The following LAMA1 variants were observed in gnomAD, a reference collection of about 807,000 sequenced individuals.
LAMA1 encodes the protein laminin subunit alpha-1.
In LAMA1, 219 loss-of-function variants were observed where a neutral mutation model predicts 348.7. The observed-to-expected ratio is 0.63, with a 90% CI of 0.56 to 0.70. The LOEUF is 0.70. Among genes scored for constraint, LAMA1 ranks in the 30% least tolerant of loss-of-function variants. The pLI, the probability that LAMA1 is intolerant of heterozygous loss-of-function variation, is 0.00. For synonymous variants in LAMA1, 1,487 were observed against 1,491.0 expected, an observed-to-expected ratio of 1.00 and a Z score of 0.06; for missense variants, 3,744 against 3,888.0, an observed-to-expected ratio of 0.96 and a Z score of 0.99.
At chr18:7,086,560 A>G (rs1242541115) in intron 1 of LAMA1, among the ~76,000 whole-genome samples, 1 of 150,284 alleles carries the variant, frequency 6.7e-6, no homozygotes, top group Non-Finnish European at 1.5e-5. Context: ...TACAGAGATC[A>G]TGAATTTACT....
At chr18:6,969,367 G>A (rs2057648140) in intron 48 of LAMA1, among the ~76,000 whole-genome samples, 1 of 152,156 alleles carries the variant, frequency 6.6e-6, no homozygotes, top group East Asian at 1.9e-4. Context: ...AAGCTCAAGT[G>A]AGTTTGGGAA....
rs1432682156 is a variant in LAMA1 at position 6,958,590 on chromosome 18, C to T, written c.7851G>A (p.Thr2617=). 5.0e-6 allele frequency: 8 copies of T among 1,614,088 alleles called. No individual in the cohort carries two copies. The highest frequency in any genetic ancestry group is 4.0e-5 in the African/African-American group (3 of 75,058). The stretch of plus-strand genomic sequence containing the variant: ...CGACGTACAGATTGGACACATTTAT[C>T]GTCCTGCTTTCTACTAATGTGCCCA... The part of the protein sequence containing the change: ...MKLGTLVESR[T]INVSNLYVGG... Residue 2617 remains threonine, a synonymous_variant, in exon 55 of 63, where the codon ACG becomes ACA. Coordinates refer to ENST00000389658, the MANE Select transcript of LAMA1 (RefSeq NM_005559.4).
At chr18:7,052,430 CAA>C (rs1351925258) in intron 3 of LAMA1, among the ~76,000 whole-genome samples, 4 of 138,240 alleles carry the variant, frequency 2.9e-5, no homozygotes, top group Non-Finnish European at 3.2e-5. Context: ...GACTCTGTAT[CAA>C]AAAAAAAAAA....
rs9949943 is a variant in LAMA1 at position 7,043,061 on chromosome 18, A to C, written c.1155+166T>G. On this transcript the variant is annotated intron_variant, in intron 8 of 62. Coordinates refer to ENST00000389658, the MANE Select transcript of LAMA1 (RefSeq NM_005559.4). The stretch of plus-strand genomic sequence containing the variant: ...GACTGACATCTTATTTTGAGCAAGA[A>C]AAGCAGGATAGAGTAGGAAATATAT... 2.7e-3 allele frequency: 1,791 copies of C among 667,246 alleles called. 20 individuals carry two copies. The highest frequency in any genetic ancestry group is 0.025 in the African/African-American group (1,396 of 54,858). 41.3% of individuals were successfully genotyped at this position (667,246 alleles called of 1,614,324 possible). A position where few individuals can be genotyped will look rare whatever the true frequency, so the allele number is the denominator to read the frequency against.
intron 19 of LAMA1, 74 bp from the exon 20 acceptor site, chr18:7,017,458 A>AG: frequency 1.0e-6 from 1 of 983,260 alleles, no homozygotes; most frequent in Admixed American, 2.0e-5. Context: ...TCATCCCCAA[A>AG]GGAAAAAAAA....
chr18:6,959,244 T>A (rs1027720141), intron 54 of LAMA1, 97 bp downstream of exon 54: 1 of 1,527,488 alleles, frequency 6.5e-7, no homozygotes, highest in Admixed American at 1.7e-5. Context: ...ATGACCCCAG[T>A]CATCTAGCCG....
intron 30 of LAMA1, among the ~76,000 whole-genome samples, chr18:7,001,419 A>T (rs1046669725): frequency 2.0e-5 from 3 of 152,176 alleles, no homozygotes; most frequent in African/African-American, 4.8e-5. Flanking sequence ...GGAATTGACA[A>T]GTCAAAATTT....
At chr18:7,066,460 C>A (rs1398415398) in intron 3 of LAMA1, among the ~76,000 whole-genome samples, 1 of 152,134 alleles carries the variant, frequency 6.6e-6, no homozygotes, top group Non-Finnish European at 1.5e-5. Context: ...TAGAATATGA[C>A]TTGAAAAGTC....
chr18:7,096,795 A>G (rs1374646934), intron 1 of LAMA1, among the ~76,000 whole-genome samples: 1 of 152,232 alleles, frequency 6.6e-6, no homozygotes, highest in East Asian at 1.9e-4. Context: ...AAAGTTTTCA[A>G]AAGCAACCAT....
intron 23 of LAMA1, 40 bp from the exon 24 acceptor site, chr18:7,012,178 A>G: frequency 6.2e-7 from 1 of 1,604,380 alleles, no homozygotes; most frequent in African/African-American, 1.3e-5. Flanking sequence ...TTGCCTAAAA[A>G]AGAGATGTGA....
chr18:7,045,269 G>A (rs1000098743), intron 6 of LAMA1, among the ~76,000 whole-genome samples: 1 of 152,066 alleles, frequency 6.6e-6, no homozygotes, highest in African/African-American at 2.4e-5. Flanking sequence ...AAGATGCCAG[G>A]ACCAGCCTGG....
chr18:7,049,945 T>G (rs1197464826), intron 4 of LAMA1, among the ~76,000 whole-genome samples: 1 of 152,226 alleles, frequency 6.6e-6, no homozygotes, highest in Admixed American at 6.5e-5. Context: ...ACGGCATTCA[T>G]CACATTATGG....
At chr18:7,008,083 C>T (rs2057841429) in intron 28 of LAMA1, among the ~76,000 whole-genome samples, 1 of 151,970 alleles carries the variant, frequency 6.6e-6, no homozygotes, top group South Asian at 2.1e-4. Flanking sequence ...CAGGCATGTG[C>T]CATGCATATA....
At chr18:6,950,175 T>C (rs1022980587) in intron 58 of LAMA1, among the ~76,000 whole-genome samples, 4 of 152,078 alleles carry the variant, frequency 2.6e-5, no homozygotes, top group Non-Finnish European at 4.4e-5. Context: ...TGTGATTTCT[T>C]CCCCAATCCA....
At chr18:7,064,672 G>A (rs2058115415) in intron 3 of LAMA1, among the ~76,000 whole-genome samples, 2 of 152,078 alleles carry the variant, frequency 1.3e-5, no homozygotes, top group South Asian at 4.1e-4. Flanking sequence ...ATACAAGACT[G>A]GTATAAAGTT....
intron 16 of LAMA1, among the ~76,000 whole-genome samples, chr18:7,027,812 G>A (rs2144151630): frequency 6.6e-6 from 1 of 152,170 alleles, no homozygotes; most frequent in Middle Eastern, 3.4e-3. Flanking sequence ...GCGTGGTGGT[G>A]TGCACCTGTA....
chr18:6,984,164 T>C (rs1229568592), intron 39 of LAMA1, among the ~76,000 whole-genome samples: 2 of 151,970 alleles, frequency 1.3e-5, no homozygotes, highest in Non-Finnish European at 2.9e-5. Context: ...CCACTACTGA[T>C]CCCTAAGACA....
chr18:7,012,013 C>T lies in LAMA1; in HGVS notation c.3489G>A (p.Glu1163=). 1 of 1,608,608 alleles carries T rather than the reference C, an allele frequency of 6.2e-7. No individual in the cohort carries two copies. Among genetic ancestry groups the T allele is most frequent in the Non-Finnish European group, 8.5e-7 (1 of 1,177,194 alleles). The change falls in exon 24 of 63, where the codon GAG becomes GAA. Residue 1163 remains glutamate (E), a synonymous_variant. Transcript: ENST00000389658. ...GACTTACTGGGGTCCTCACGTAGTC[C>T]TCCAGCTCTGAGCAGAGGTGGGACA... ...SGLSHLCSEL[E]DYVRTPVTLG...
At chr18:7,033,974 A>C (rs550075509) in intron 14 of LAMA1, among the ~76,000 whole-genome samples, 1 of 152,016 alleles carries the variant, frequency 6.6e-6, no homozygotes, top group Non-Finnish European at 1.5e-5. Context: ...GACCTCATGC[A>C]ATCCACCTGC....
Sources: gnomAD v4.1 joint callset for allele counts (sites outside exome capture counted in the v4.1 genomes callset) on GRCh38, gnomAD v4.1.1 for gene constraint, MANE v1.5 for transcripts, NCBI Gene and HGNC (gene_info 2026-07-23, HGNC 2026-07-21) for gene names.